ASIC2: variants seen among roughly 807,000 people sequenced by gnomAD.
ASIC2 encodes the protein acid-sensing ion channel 2.
A neutral mutation model predicts 57.3 loss-of-function variants in ASIC2; 25 were observed. The ratio of observed to expected loss-of-function variants is 0.44; its 90% confidence interval spans 0.32 to 0.61. ASIC2 has a LOEUF of 0.61. Among genes scored for constraint, ASIC2 ranks in the 20% least tolerant of loss-of-function variants. The pLI is 0.06. For synonymous variants in ASIC2, 319 were observed against 307.5 expected, an observed-to-expected ratio of 1.04 and a Z score of -0.39; for missense variants, 641 against 738.1, an observed-to-expected ratio of 0.87 and a Z score of 1.52.
chr17:33,184,028 G>A (rs74857489), intron 1 of ASIC2, among the ~76,000 whole-genome samples: 9,744 of 152,196 alleles, frequency 0.064, 461 homozygotes, highest in East Asian at 0.21. Context: ...CATTGTATAC[G>A]AAATGTCTAT....
intron 1 of ASIC2, among the ~76,000 whole-genome samples, chr17:33,755,816 G>A (rs558025512): frequency 6.6e-6 from 1 of 152,282 alleles, no homozygotes; most frequent in African/African-American, 2.4e-5. Context: ...GGTGAAGAAG[G>A]CATCAGAGGA....
intron 1 of ASIC2, among the ~76,000 whole-genome samples, chr17:34,010,283 A>G (rs1225092718): frequency 1.3e-5 from 2 of 152,168 alleles, no homozygotes; most frequent in African/African-American, 4.8e-5. Context: ...ACTGTGGAAC[A>G]ATTTTGATAT....
chr17:33,288,807 G>T (rs1216890925), intron 1 of ASIC2, among the ~76,000 whole-genome samples: 1 of 151,304 alleles, frequency 6.6e-6, no homozygotes, highest in Non-Finnish European at 1.5e-5. Context: ...GATGATTTAG[G>T]AAACTCAAGA....
chr17:33,113,382 A>G (rs1329143663), intron 1 of ASIC2, among the ~76,000 whole-genome samples: 2 of 152,228 alleles, frequency 1.3e-5, no homozygotes, highest in Non-Finnish European at 2.9e-5. Context: ...TATGATGATT[A>G]TATAACTGCT....
intron 1 of ASIC2, among the ~76,000 whole-genome samples, chr17:33,849,743 G>A (rs1396853791): frequency 6.6e-6 from 1 of 152,180 alleles, no homozygotes; most frequent in African/African-American, 2.4e-5. Flanking sequence ...GCCTGAAGAA[G>A]CAAGCAGGAC....
At chr17:33,765,113 G>GTT (rs371277349) in intron 1 of ASIC2, among the ~76,000 whole-genome samples, 1 of 148,302 alleles carries the variant, frequency 6.7e-6, no homozygotes, top group African/African-American at 2.5e-5. Context: ...ATTGTTTTTT[G>GTT]TTTTTTTTTT....
chr17:33,644,166 C>T (rs201295082), intron 1 of ASIC2, among the ~76,000 whole-genome samples: 5 of 152,128 alleles, frequency 3.3e-5, no homozygotes, highest in East Asian at 3.9e-4. Context: ...ACTATGGGCT[C>T]GGGCAAGCCT....
chr17:33,968,231 G>A lies in ASIC2; in HGVS notation c.555+187747C>T, dbSNP rs967823608. 1.7e-4 allele frequency among the ~76,000 whole-genome samples: 26 copies of A among 152,172 alleles called. 1 individual carries two copies. The highest frequency in any genetic ancestry group is 5.8e-4 in the African/African-American group (24 of 41,436). ...ACAAGTTTGCCTGACTTCAAGCCCA[G>A]TGCCCTTCCTGCTACACTGATCCAA... On this transcript the variant is annotated intron_variant, in intron 1 of 9. Coordinates refer to the ASIC2 transcript ENST00000359872.
chr17:34,101,336 T>C (rs1226741571), intron 1 of ASIC2, among the ~76,000 whole-genome samples: 1 of 152,192 alleles, frequency 6.6e-6, no homozygotes, highest in East Asian at 1.9e-4. Context: ...CCTTTAGAGA[T>C]CTGGAAGCCC....
chr17:33,738,399 A>G (rs1230862704), intron 1 of ASIC2, among the ~76,000 whole-genome samples: 1 of 152,132 alleles, frequency 6.6e-6, no homozygotes, highest in African/African-American at 2.4e-5. Flanking sequence ...CAGCACCTGC[A>G]TTTTCTGGTC....
intron 1 of ASIC2, among the ~76,000 whole-genome samples, chr17:33,405,266 G>C (rs981989581): frequency 6.6e-6 from 1 of 152,022 alleles, no homozygotes; most frequent in African/African-American, 2.4e-5. Context: ...GCATGGTAGG[G>C]GGCTGCTTTG....
rs149835413 is a variant in ASIC2, at chr17:33,946,296, C to T, written c.555+209682G>A. ...TTGTCATCTTACCATGGGTGAAAGA[C>T]GACTGGGACAGGTTGTTGGGTCTGG... is the stretch of plus-strand genomic sequence containing the variant. On this transcript the variant is annotated intron_variant, in intron 1 of 9. Transcript: ENST00000359872. Among the ~76,000 whole-genome samples the T allele has an allele frequency of 1.9e-4, 29 of 150,420 alleles. 1 individual carries two copies. The South Asian group carries it at 4.6e-3, about 24-fold the overall frequency.
intron 1 of ASIC2, among the ~76,000 whole-genome samples, chr17:33,204,130 G>T (rs941295404): frequency 8.5e-5 from 13 of 152,210 alleles, no homozygotes; most frequent in Admixed American, 7.2e-4. Flanking sequence ...AGAGAGACCT[G>T]CACTCAGTCA....
At chr17:33,416,744 A>G (rs1910855888) in intron 1 of ASIC2, among the ~76,000 whole-genome samples, 1 of 152,130 alleles carries the variant, frequency 6.6e-6, no homozygotes, top group Non-Finnish European at 1.5e-5. Context: ...CTAGGTTTGG[A>G]GTGGTTCAGG....
At chr17:33,978,812 C>A (rs1430875508) in intron 1 of ASIC2, among the ~76,000 whole-genome samples, 1 of 152,060 alleles carries the variant, frequency 6.6e-6, no homozygotes, top group African/African-American at 2.4e-5. Context: ...AGCTTCTAAC[C>A]CCACCAGTGA....
At chr17:33,799,434 C>CTTTCTTTCTTTCTTTCTTTCTTA (rs1912048074) in intron 1 of ASIC2, among the ~76,000 whole-genome samples, 2 of 31,128 alleles carry the variant, frequency 6.4e-5, no homozygotes, top group African/African-American at 2.2e-4. Flanking sequence ...TTTCTTCTTT[C>CTTTCTTTCTTTCTTTCTTTCTTA]TTTCTTTCTT....
chr17:33,651,348 A>G (rs971157398), intron 1 of ASIC2, among the ~76,000 whole-genome samples: 1 of 152,192 alleles, frequency 6.6e-6, no homozygotes, highest in African/African-American at 2.4e-5. Flanking sequence ...TGAGTCTATA[A>G]TTATTTCAAA....
intron 1 of ASIC2, among the ~76,000 whole-genome samples, chr17:33,579,064 T>A (rs1280952025): frequency 6.6e-6 from 1 of 151,888 alleles, no homozygotes; most frequent in Non-Finnish European, 1.5e-5. Context: ...AGCGGGTGGA[T>A]CACTTGAGGT....
At chr17:33,453,606 T>G (rs1012640907) in intron 1 of ASIC2, among the ~76,000 whole-genome samples, 3 of 152,220 alleles carry the variant, frequency 2.0e-5, no homozygotes, top group African/African-American at 4.8e-5. Flanking sequence ...AGATTATGTA[T>G]GGTTTTAAAA....
Sources: allele counts gnomAD v4.1 joint callset (sites outside exome capture counted in the v4.1 genomes callset), GRCh38; gene constraint gnomAD v4.1.1; transcripts MANE v1.5; gene names NCBI Gene and HGNC (gene_info 2026-07-23, HGNC 2026-07-21).